The following LRP1B variants were observed in gnomAD, a reference collection of about 807,000 sequenced individuals.
The protein encoded by LRP1B is LDL receptor related protein 1B.
LRP1B carries 217 observed loss-of-function variants against 556.6 expected under a neutral mutation model. The observed-to-expected ratio is 0.39, with a 90% CI of 0.35 to 0.44. The LOEUF is 0.44. LRP1B is among the 20% of genes least tolerant of loss of function. The probability of loss-of-function intolerance (pLI) is 1.00; values close to 1 mark genes in which losing one functional copy is unlikely to be tolerated. For missense variants in LRP1B, 5,053 were observed against 5,620.8 expected (o/e 0.90, Z 3.23); for synonymous variants, 2,047 against 1,865.8 (o/e 1.10, Z -2.50).
At chr2:140,769,823 C>T (rs1689246050) in intron 34 of LRP1B, among the ~76,000 whole-genome samples, 1 of 43,610 alleles carries the variant, frequency 2.3e-5, no homozygotes. Flanking sequence ...TTTTAATAGA[C>T]ATTTAGATTT....
At chr2:140,973,667 A>G (rs933728950) in intron 18 of LRP1B, among the ~76,000 whole-genome samples, 1 of 152,176 alleles carries the variant, frequency 6.6e-6, no homozygotes, top group Non-Finnish European at 1.5e-5. Flanking sequence ...TAGAAGCTAA[A>G]TAACTAAAGG....
At chr2:141,834,362 A>G (rs542739732) in intron 1 of LRP1B, among the ~76,000 whole-genome samples, 2 of 152,014 alleles carry the variant, frequency 1.3e-5, no homozygotes, top group South Asian at 4.1e-4. Context: ...CATATAACGA[A>G]GAGACCCTAA....
At chr2:140,379,158 G>T (rs746112552) in intron 67 of LRP1B, among the ~76,000 whole-genome samples, 1 of 152,088 alleles carries the variant, frequency 6.6e-6, no homozygotes, top group African/African-American at 2.4e-5. Flanking sequence ...AGACCTCTTC[G>T]TGTTTTCTCT....
At chr2:141,005,603 C>A in intron 14 of LRP1B, 146 bp from the exon 15 acceptor site, 3 of 631,762 alleles carry the variant, frequency 4.7e-6, no homozygotes, top group East Asian at 6.8e-5. Context: ...TGAATCATAA[C>A]TAAATTCAAT....
chr2:142,024,714 A>T (rs1032145996), intron 1 of LRP1B, among the ~76,000 whole-genome samples: 1 of 144,222 alleles, frequency 6.9e-6, no homozygotes, highest in Non-Finnish European at 1.5e-5. Context: ...TTAAAATCTT[A>T]GGTTAATTGA....
chr2:142,115,572 T>TATTATATATGTAATATATATACTA lies in LRP1B; in HGVS notation c.82+15075_82+15076insTAGTATATATATTACATATATAAT, dbSNP rs1219018341. Among the ~76,000 whole-genome samples, 88 of 36,314 alleles carry TATTATATATGTAATATATATACTA rather than the reference T, an allele frequency of 2.4e-3. 6 individuals are homozygous for TATTATATATGTAATATATATACTA. Among genetic ancestry groups the TATTATATATGTAATATATATACTA allele is most frequent in the African/African-American group, 9.7e-3 (85 of 8,724 alleles). 23.8% of individuals were successfully genotyped at this position (36,314 alleles called of 152,430 possible). A position where few individuals can be genotyped will look rare whatever the true frequency, so the allele number is the denominator to read the frequency against. On this transcript the variant is annotated intron_variant, in intron 1 of 90. Transcript: ENST00000389484. ...ATATATATTATATATGTAATATATATTATATATGTAATATATATATTATAT... is the reference window on the plus strand; with the variant it reads ...ATATATATTATATATGTAATATATATATTATATATGTAATATATATACTATATATATGTAATATATATATTATAT...
At chr2:141,111,816 C>G (rs531571214) in intron 7 of LRP1B, among the ~76,000 whole-genome samples, 1 of 151,834 alleles carries the variant, frequency 6.6e-6, no homozygotes, top group African/African-American at 2.4e-5. Context: ...TTTGGGAGGC[C>G]GAAGCAGGCG....
At chr2:140,869,501 G>A (rs1364933256) in intron 25 of LRP1B, among the ~76,000 whole-genome samples, 1 of 152,110 alleles carries the variant, frequency 6.6e-6, no homozygotes, top group Non-Finnish European at 1.5e-5. Context: ...CAGATATACT[G>A]TCTAATCACT....
At chr2:140,496,291 C>T (rs1181730833) in intron 55 of LRP1B, among the ~76,000 whole-genome samples, 3 of 151,906 alleles carry the variant, frequency 2.0e-5, no homozygotes, top group African/African-American at 4.8e-5. Context: ...CTAATATTAT[C>T]TTTAGTTAGT....
chr2:141,338,300 G>C (rs1293810325), intron 3 of LRP1B, among the ~76,000 whole-genome samples: 1 of 152,144 alleles, frequency 6.6e-6, no homozygotes, highest in East Asian at 1.9e-4. Flanking sequence ...ACAGATAATA[G>C]AGAAAAGAGG....
At chr2:142,069,868 G>A (rs1705248062) in intron 1 of LRP1B, among the ~76,000 whole-genome samples, 1 of 151,612 alleles carries the variant, frequency 6.6e-6, no homozygotes, top group East Asian at 1.9e-4. Context: ...TAATCAACAT[G>A]TTTGCTTTAC....
chr2:140,543,453 A>C (rs953220250), intron 43 of LRP1B, among the ~76,000 whole-genome samples: 3 of 152,038 alleles, frequency 2.0e-5, no homozygotes, highest in Non-Finnish European at 4.4e-5. Context: ...ATTCAATATT[A>C]AAAAATCATT....
intron 41 of LRP1B, among the ~76,000 whole-genome samples, chr2:140,623,910 C>T (rs1683549208): frequency 7.8e-6 from 1 of 127,542 alleles, no homozygotes; most frequent in Non-Finnish European, 1.7e-5. Context: ...CACAGCGAGA[C>T]TTCGTCTCAA....
chr2:140,750,050 G>A (rs1485712316), intron 35 of LRP1B, among the ~76,000 whole-genome samples: 1 of 150,922 alleles, frequency 6.6e-6, no homozygotes, highest in African/African-American at 2.4e-5. Flanking sequence ...GTCATTAGGT[G>A]GTACATGACT....
intron 2 of LRP1B, among the ~76,000 whole-genome samples, chr2:141,653,830 C>G (rs1187308296): frequency 1.3e-5 from 2 of 152,154 alleles, no homozygotes; most frequent in African/African-American, 4.8e-5. Flanking sequence ...TGCACATTTA[C>G]AGAAGTTGTG....
At chr2:141,472,850 C>A (rs1325479892) in intron 3 of LRP1B, among the ~76,000 whole-genome samples, 1 of 150,814 alleles carries the variant, frequency 6.6e-6, no homozygotes, top group Non-Finnish European at 1.5e-5. Flanking sequence ...CATAGTTATT[C>A]TTAAAAAATA....
At chr2:140,559,495 G>A (rs1237309345) in intron 43 of LRP1B, among the ~76,000 whole-genome samples, 1 of 152,042 alleles carries the variant, frequency 6.6e-6, no homozygotes, top group Non-Finnish European at 1.5e-5. Flanking sequence ...TAAATCAACT[G>A]CAGATTTGTA....
intron 78 of LRP1B, 50 bp downstream of exon 78, chr2:140,335,565 A>G: frequency 9.0e-7 from 1 of 1,111,688 alleles, no homozygotes; most frequent in Middle Eastern, 2.0e-4. Context: ...CATAATTTCT[A>G]AAAAGGATAT....
At chr2:141,908,889 G>A (rs1186639074) in intron 1 of LRP1B, among the ~76,000 whole-genome samples, 2 of 152,064 alleles carry the variant, frequency 1.3e-5, no homozygotes, top group Non-Finnish European at 2.9e-5. Flanking sequence ...GCAAGCCATT[G>A]AGGTTGGTCT....
Sources: allele counts gnomAD v4.1 joint callset (sites outside exome capture counted in the v4.1 genomes callset), GRCh38; gene constraint gnomAD v4.1.1; transcripts MANE v1.5; gene names NCBI Gene and HGNC (gene_info 2026-07-23, HGNC 2026-07-21).